GSE1: variants seen among roughly 807,000 people sequenced by gnomAD.
GSE1 encodes genetic suppressor element 1.
GSE1 carries 32 observed loss-of-function variants against 112.6 expected under a neutral mutation model. The ratio of observed to expected loss-of-function variants is 0.28; its 90% CI spans 0.21 to 0.38. The LOEUF (loss-of-function observed/expected upper bound fraction) is 0.38, where lower values mean the gene tolerates loss of function less well. Ranked by LOEUF, GSE1 falls within the 10% of genes least tolerant of loss-of-function variation. The probability of loss-of-function intolerance (pLI) is 1.00; values close to 1 mark genes in which losing one functional copy is unlikely to be tolerated. For synonymous variants in GSE1, 1,115 were observed against 735.6 expected (o/e 1.52, Z -8.35); for missense variants, 2,348 against 1,699.2 (o/e 1.38, Z -6.71).
intron 2 of GSE1, among the ~76,000 whole-genome samples, chr16:85,380,045 C>G (rs2047512065): frequency 6.6e-6 from 1 of 152,206 alleles, no homozygotes; most frequent in Non-Finnish European, 1.5e-5. Flanking sequence ...TTGGGAAGCC[C>G]AAGCATTGCC....
chr16:85,633,354 G>C (rs2049707641), intron 1 of GSE1, among the ~76,000 whole-genome samples: 1 of 152,168 alleles, frequency 6.6e-6, no homozygotes, highest in Non-Finnish European at 1.5e-5. Flanking sequence ...GGGCCGAGTT[G>C]GGGCCTTAGT....
intron 2 of GSE1, among the ~76,000 whole-genome samples, chr16:85,364,236 G>A (rs1030417666): frequency 2.6e-5 from 4 of 152,144 alleles, no homozygotes; most frequent in South Asian, 2.1e-4. Flanking sequence ...GCAACTCAGC[G>A]TCTCTCAGAC....
rs2053477367 is a variant in GSE1 at position 85,673,150 on chromosome 16, A to G, written c.*611A>G. The stretch of plus-strand genomic sequence containing the variant: ...TCCCTGGAAAAGCTCTTTCTTACCT[A>G]AAGATAAAACCAATTCACAAACTGA... On this transcript the variant is annotated 3_prime_UTR_variant, in exon 16 of 16. Coordinates refer to ENST00000253458, the MANE Select transcript of GSE1 (RefSeq NM_014615.5). The G allele has an allele frequency of 1.3e-5, 2 of 152,494 alleles. No individual in the cohort carries two copies. Among genetic ancestry groups the G allele is most frequent in the South Asian group, 2.1e-4 (1 of 4,828 alleles). The allele number at this position is 152,494 out of a possible 1,614,324, so 9.4% of individuals were successfully genotyped here.
At chr16:85,364,696 C>T (rs1356378842) in intron 2 of GSE1, among the ~76,000 whole-genome samples, 1 of 152,152 alleles carries the variant, frequency 6.6e-6, no homozygotes, top group African/African-American at 2.4e-5. Context: ...GATACTCTCC[C>T]GCTGTGGCCT....
At position 85,408,123 on chromosome 16, in the gene GSE1, C is replaced by T. The variant is rs1334588425; in HGVS notation, c.2464+50480C>T. 7.1e-5 allele frequency among the ~76,000 whole-genome samples: 3 copies of T among 42,524 alleles called. 1 individual carries two copies. The highest frequency in any genetic ancestry group is 1.1e-3 in the East Asian group (1 of 934). The allele number at this position is 42,524 out of a possible 152,430, so 27.9% of individuals were successfully genotyped here. On this transcript the variant is annotated intron_variant, in intron 2 of 2. Transcript: ENST00000637419. ...CCTGGATAATCCTCACTGTTACTCT[C>T]AGGCCCCCTGGATAATCCTCACTGT...
intron 1 of GSE1, among the ~76,000 whole-genome samples, chr16:85,278,244 G>A (rs1451710364): frequency 2.0e-5 from 3 of 152,216 alleles, no homozygotes; most frequent in Non-Finnish European, 2.9e-5. Context: ...CAGGCCCTTT[G>A]CAGAGTGTGA....
At chr16:85,622,297 G>C (rs1009889554) in intron 1 of GSE1, among the ~76,000 whole-genome samples, 1 of 152,184 alleles carries the variant, frequency 6.6e-6, no homozygotes, top group Non-Finnish European at 1.5e-5. Flanking sequence ...GTGATGTCTG[G>C]GCACAGCACT....
At chr16:85,633,532 A>G (rs1030222019) in intron 1 of GSE1, among the ~76,000 whole-genome samples, 7 of 152,046 alleles carry the variant, frequency 4.6e-5, no homozygotes, top group African/African-American at 1.7e-4. Context: ...TGCGGGCCGC[A>G]CGCCTCCTCC....
chr16:85,455,398 AG>A (rs11295035), intron 2 of GSE1, among the ~76,000 whole-genome samples: 3,714 of 152,098 alleles, frequency 0.024, 146 homozygotes, highest in African/African-American at 0.085. Context: ...AGAGAGAGAG[AG>A]AGAGAAAGAA....
Position 85,359,413 on chromosome 16 carries a change from C to T in GSE1, c.2464+1770C>T, listed in dbSNP as rs1279623621. 13 of 455,888 alleles carry T rather than the reference C, an allele frequency of 2.9e-5. 1 individual carries two copies. Among genetic ancestry groups the T allele is most frequent in the South Asian group, 4.6e-5 (3 of 64,564 alleles). The allele number at this position is 455,888 out of a possible 1,614,324, so 28.2% of individuals were successfully genotyped here. A position where few individuals can be genotyped will look rare whatever the true frequency, so the allele number is the denominator to read the frequency against. On this transcript the variant is annotated intron_variant, in intron 2 of 2. Transcript: ENST00000637419. Reference sequence around the variant, plus strand: ...AACAAGGCCCAGATGGACCCCTAGGCGGAGTTTGGCTGTGGTTTGGGGAGC... The same window carrying T: ...AACAAGGCCCAGATGGACCCCTAGGTGGAGTTTGGCTGTGGTTTGGGGAGC...
intron 2 of GSE1, among the ~76,000 whole-genome samples, chr16:85,361,331 AC>A: frequency 3.4e-5 from 1 of 29,104 alleles, no homozygotes; most frequent in Non-Finnish European, 6.1e-5. Flanking sequence ...ACACACAAAC[AC>A]ACACACACAC....
intron 2 of GSE1, among the ~76,000 whole-genome samples, chr16:85,472,713 G>C (rs749121391): frequency 2.6e-5 from 4 of 152,230 alleles, no homozygotes; most frequent in Non-Finnish European, 5.9e-5. Context: ...CTGCGGCTCT[G>C]TCTGCTTCTG....
At chr16:85,351,345 A>G (rs546457523) in intron 1 of GSE1, among the ~76,000 whole-genome samples, 11 of 152,244 alleles carry the variant, frequency 7.2e-5, no homozygotes, top group African/African-American at 2.7e-4. Context: ...GGGTTTACAC[A>G]CTACAACATG....
intron 1 of GSE1, among the ~76,000 whole-genome samples, chr16:85,186,154 G>C (rs938841702): frequency 3.3e-5 from 5 of 152,162 alleles, no homozygotes; most frequent in African/African-American, 1.2e-4. Flanking sequence ...ATTTTGTCCT[G>C]ATTTCACATT....
chr16:85,436,834 G>A (rs2049257938), intron 2 of GSE1, among the ~76,000 whole-genome samples: 2 of 152,248 alleles, frequency 1.3e-5, no homozygotes, highest in African/African-American at 4.8e-5. Flanking sequence ...GAGCCCGCAG[G>A]CCAGAGTGTG....
At chr16:85,456,585 T>A (rs1056072423) in intron 2 of GSE1, among the ~76,000 whole-genome samples, 1 of 64,982 alleles carries the variant, frequency 1.5e-5, no homozygotes. Flanking sequence ...CTGCCGTGTG[T>A]GTGTGTGTGT....
intron 2 of GSE1, among the ~76,000 whole-genome samples, chr16:85,442,374 C>G (rs1164754061): frequency 6.6e-6 from 1 of 152,158 alleles, no homozygotes; most frequent in African/African-American, 2.4e-5. Context: ...CTATCCTGTT[C>G]CCTGCTGCAT....
chr16:85,408,698 C>G (rs1176782719), intron 2 of GSE1, among the ~76,000 whole-genome samples: 1 of 62,702 alleles, frequency 1.6e-5, no homozygotes, highest in Non-Finnish European at 3.1e-5. Context: ...CCGGATAATC[C>G]TCACTGTTAC....
chr16:85,348,059 T>C (rs1470578089), intron 1 of GSE1, among the ~76,000 whole-genome samples: 2 of 152,162 alleles, frequency 1.3e-5, no homozygotes, highest in African/African-American at 4.8e-5. Flanking sequence ...CACAGCTGCC[T>C]CATGGTCCAG....
Sources: gnomAD v4.1 joint callset for allele counts (sites outside exome capture counted in the v4.1 genomes callset) on GRCh38, gnomAD v4.1.1 for gene constraint, MANE v1.5 for transcripts, NCBI Gene and HGNC (gene_info 2026-07-23, HGNC 2026-07-21) for gene names.